The following ACTR3C variants were observed in gnomAD, a reference collection of about 807,000 sequenced individuals.
ACTR3C encodes the protein actin-related protein 3C.
ACTR3C carries 18 observed loss-of-function variants against 26.3 expected under a neutral mutation model. The ratio of observed to expected loss-of-function variants is 0.68; its 90% CI spans 0.47 to 1.01. The LOEUF is 1.01. Among genes scored for constraint, ACTR3C ranks in the 50% least tolerant of loss-of-function variants. The probability of loss-of-function intolerance (pLI) is 0.00; values close to 1 mark genes in which losing one functional copy is unlikely to be tolerated. For synonymous variants in ACTR3C, 55 were observed against 94.5 expected, an observed-to-expected ratio of 0.58 and a Z score of 2.42; for missense variants, 184 against 250.7, an observed-to-expected ratio of 0.73 and a Z score of 1.80.
chr7:150,321,005 TCG>T (rs1349368469), intron 1 of ACTR3C, among the ~76,000 whole-genome samples: 1 of 152,206 alleles, frequency 6.6e-6, no homozygotes, highest in African/African-American at 2.4e-5. Context: ...CTCTCAGTCC[TCG>T]TTTTGACTAG....
the ACTR3C span, among the ~76,000 whole-genome samples, chr7:150,050,050 A>C: frequency 6.6e-6 from 1 of 151,998 alleles, no homozygotes; most frequent in Non-Finnish European, 1.5e-5. Context: ...AATTAGATAG[A>C]TAGAAAACCT....
the ACTR3C span, among the ~76,000 whole-genome samples, chr7:150,091,007 G>C: frequency 6.6e-6 from 1 of 152,048 alleles, no homozygotes; most frequent in South Asian, 2.1e-4. Flanking sequence ...CTTCTGAAAG[G>C]ATAGCAGGAA....
chr7:149,969,357 C>T, the ACTR3C span, among the ~76,000 whole-genome samples: 1 of 150,136 alleles, frequency 6.7e-6, no homozygotes, highest in Non-Finnish European at 1.5e-5. Context: ...CCCCCAACTC[C>T]CCCAGCATGA....
At chr7:150,037,428 G>T in the ACTR3C span, among the ~76,000 whole-genome samples, 2 of 45,164 alleles carry the variant, frequency 4.4e-5, 1 homozygote, top group Non-Finnish European at 1.0e-4. Context: ...GGAACTAGGG[G>T]ATGGCTCTCA....
At chr7:150,214,545 A>T in the ACTR3C span, among the ~76,000 whole-genome samples, 1 of 151,788 alleles carries the variant, frequency 6.6e-6, no homozygotes, top group South Asian at 2.1e-4. Flanking sequence ...ATCTTGGAAA[A>T]ATGATGAGCC....
At chr7:149,969,229 G>C in the ACTR3C span, among the ~76,000 whole-genome samples, 1 of 145,150 alleles carries the variant, frequency 6.9e-6, no homozygotes, top group African/African-American at 2.5e-5. Context: ...GGGAAACAAT[G>C]CCATTGGAAA....
At chr7:150,029,511 G>A in the ACTR3C span, among the ~76,000 whole-genome samples, 2 of 151,716 alleles carry the variant, frequency 1.3e-5, no homozygotes, top group African/African-American at 2.4e-5. Context: ...AGGTTGCAGT[G>A]AGCTATGATC....
the ACTR3C span, among the ~76,000 whole-genome samples, chr7:149,927,388 C>A: frequency 6.8e-6 from 1 of 146,050 alleles, no homozygotes; most frequent in Non-Finnish European, 1.5e-5. Context: ...GGGCAAGGGA[C>A]TTCCTGTAAC....
At chr7:150,241,757 AAAG>A (rs762102858), downstream of ACTR3C, among the ~76,000 whole-genome samples, 19 of 152,214 alleles carry the variant, frequency 1.2e-4, no homozygotes, top group Non-Finnish European at 2.8e-4. Flanking sequence ...CAAGATTTAT[AAAG>A]AAGTCTTATA....
chr7:149,900,893 C>T, the ACTR3C span, among the ~76,000 whole-genome samples: 2 of 151,894 alleles, frequency 1.3e-5, no homozygotes, highest in Admixed American at 6.6e-5. Flanking sequence ...ATTAGCCGGG[C>T]GTGGTGGTGG....
the ACTR3C span, among the ~76,000 whole-genome samples, chr7:150,175,631 TGGTGAAACC>T: frequency 6.7e-6 from 1 of 148,734 alleles, no homozygotes; most frequent in South Asian, 2.1e-4. Context: ...CTGACCAACA[TGGTGAAACC>T]GGGTCTCTAC....
At chr7:149,924,392 A>G in the ACTR3C span, among the ~76,000 whole-genome samples, 1 of 152,134 alleles carries the variant, frequency 6.6e-6, no homozygotes, top group African/African-American at 2.4e-5. Context: ...ATGAATACAA[A>G]GAACATTCGC....
the ACTR3C span, among the ~76,000 whole-genome samples, chr7:149,991,644 C>T: frequency 6.6e-6 from 1 of 152,232 alleles, no homozygotes; most frequent in African/African-American, 2.4e-5. Flanking sequence ...CCGGTCTCTC[C>T]CACTTGCCTT....
rs1336515635 is a variant in ACTR3C, at chr7:150,249,065, G to C, written c.565-11C>G. ...TGGAATTTGTTCCATCTGAAAAACA[G>C]AGAAAACAGTTATAGGGCAGCAGAG... On this transcript the variant is annotated splice_polypyrimidine_tract_variant and intron_variant, in intron 6 of 7. Transcript: ENST00000683684. 1 of 666,788 alleles carries C rather than the reference G, an allele frequency of 1.5e-6. No individual in the cohort carries two copies. The highest frequency in any genetic ancestry group is 2.7e-6 in the Non-Finnish European group (1 of 369,418). 41.3% of individuals were successfully genotyped at this position (666,788 alleles called of 1,614,324 possible).
chr7:150,127,263 C>A, the ACTR3C span, among the ~76,000 whole-genome samples: 1 of 131,338 alleles, frequency 7.6e-6, no homozygotes, highest in African/African-American at 3.3e-5. Context: ...TGACCCAGGA[C>A]TAGAGATGGA....
At chr7:150,278,498 C>T (rs1006204073) in intron 6 of ACTR3C, among the ~76,000 whole-genome samples, 1 of 152,218 alleles carries the variant, frequency 6.6e-6, no homozygotes, top group African/African-American at 2.4e-5. Flanking sequence ...TTGCGGCTCT[C>T]CCAGCACAGC....
At chr7:150,173,685 C>G in the ACTR3C span, among the ~76,000 whole-genome samples, 115 of 118,848 alleles carry the variant, frequency 9.7e-4, 3 homozygotes, top group East Asian at 0.023. Flanking sequence ...ATCACGTTGT[C>G]GGGCTGCAAA....
At chr7:150,052,444 CT>C in the ACTR3C span, among the ~76,000 whole-genome samples, 6 of 148,944 alleles carry the variant, frequency 4.0e-5, no homozygotes, top group East Asian at 2.0e-4. Flanking sequence ...TCAATTTGGG[CT>C]TTTCAACTTA....
At chr7:150,041,020 G>T in the ACTR3C span, among the ~76,000 whole-genome samples, 11 of 150,626 alleles carry the variant, frequency 7.3e-5, 1 homozygote, top group African/African-American at 1.2e-4. Flanking sequence ...TAGGCTACCG[G>T]CCTCAGCCAG....
Sources: gnomAD v4.1 joint callset for allele counts (sites outside exome capture counted in the v4.1 genomes callset) on GRCh38, gnomAD v4.1.1 for gene constraint, MANE v1.5 for transcripts, NCBI Gene and HGNC (gene_info 2026-07-23, HGNC 2026-07-21) for gene names.